NRG3: variants seen among roughly 807,000 people sequenced by gnomAD.
The protein encoded by NRG3 is pro-neuregulin-3, membrane-bound isoform.
A neutral mutation model predicts 66.9 loss-of-function variants in NRG3; 31 were observed. The ratio of observed to expected loss-of-function variants is 0.46; its 90% CI spans 0.35 to 0.63. The LOEUF (loss-of-function observed/expected upper bound fraction) is 0.63. Among genes scored for constraint, NRG3 ranks in the 20% least tolerant of loss-of-function variants. The pLI is 0.00. For synonymous variants in NRG3, 393 were observed against 359.4 expected, an observed-to-expected ratio of 1.09 and a Z score of -1.06; for missense variants, 910 against 878.9, an observed-to-expected ratio of 1.04 and a Z score of -0.45.
chr10:82,884,208 T>C, intron 4 of NRG3, among the ~76,000 whole-genome samples: 1 of 152,172 alleles, frequency 6.6e-6, no homozygotes, highest in East Asian at 1.9e-4. Context: ...TTGTTTTATA[T>C]AGCCTTTAGT....
intron 7 of NRG3, among the ~76,000 whole-genome samples, chr10:82,977,972 CT>C (rs1852460838): frequency 2.6e-5 from 4 of 152,090 alleles, no homozygotes; most frequent in Admixed American, 2.6e-4. Flanking sequence ...ATCTTTCTTT[CT>C]ATGGTTGTAT....
chr10:82,818,511 T>G (rs2061811339), intron 3 of NRG3, among the ~76,000 whole-genome samples: 1 of 152,326 alleles, frequency 6.6e-6, no homozygotes, highest in African/African-American at 2.4e-5. Context: ...CCATGACTCT[T>G]CACTTGTTCT....
intron 1 of NRG3, among the ~76,000 whole-genome samples, chr10:82,298,566 A>G (rs2080211050): frequency 6.6e-6 from 1 of 152,154 alleles, no homozygotes; most frequent in Non-Finnish European, 1.5e-5. Flanking sequence ...CCATCCATTG[A>G]GATGGAATAT....
At chr10:82,896,592 C>T (rs1268412627) in intron 4 of NRG3, among the ~76,000 whole-genome samples, 4 of 152,134 alleles carry the variant, frequency 2.6e-5, no homozygotes, top group African/African-American at 9.7e-5. Context: ...TAAATGTGAA[C>T]ATTGATATAT....
chr10:82,400,734 A>C (rs899693812), intron 2 of NRG3, among the ~76,000 whole-genome samples: 7 of 151,606 alleles, frequency 4.6e-5, no homozygotes, highest in South Asian at 2.1e-4. Context: ...CACCTGGCTA[A>C]TTTTTTTTAA....
chr10:82,939,616 C>A (rs1299537700), intron 4 of NRG3, among the ~76,000 whole-genome samples: 1 of 151,636 alleles, frequency 6.6e-6, no homozygotes, highest in Non-Finnish European at 1.5e-5. Context: ...ACTACAGGCG[C>A]CCACCACCAC....
intron 2 of NRG3, among the ~76,000 whole-genome samples, chr10:82,373,701 G>A (rs2085037372): frequency 6.6e-6 from 1 of 152,080 alleles, no homozygotes; most frequent in Non-Finnish European, 1.5e-5. Context: ...CTTTAAATAA[G>A]GTCATAATTT....
chr10:82,851,839 C>T (rs193128756), intron 3 of NRG3, among the ~76,000 whole-genome samples: 30 of 152,136 alleles, frequency 2.0e-4, no homozygotes, highest in Non-Finnish European at 3.8e-4. Flanking sequence ...AATTAAATTG[C>T]GTACTGTCAC....
intron 1 of NRG3, among the ~76,000 whole-genome samples, chr10:81,944,595 G>A (rs933040824): frequency 1.3e-5 from 2 of 152,178 alleles, no homozygotes; most frequent in Non-Finnish European, 2.9e-5. Flanking sequence ...AGGTTAGTAA[G>A]TGTCAGGGAA....
intron 3 of NRG3, among the ~76,000 whole-genome samples, chr10:82,855,378 T>C (rs2063753973): frequency 1.3e-5 from 2 of 152,014 alleles, no homozygotes; most frequent in African/African-American, 4.8e-5. Flanking sequence ...AACCCTTCCA[T>C]CTATTAACCG....
intron 2 of NRG3, among the ~76,000 whole-genome samples, chr10:82,618,268 G>C (rs1216427069): frequency 6.6e-6 from 1 of 152,118 alleles, no homozygotes; most frequent in Admixed American, 6.6e-5. Flanking sequence ...AGCCTACCCA[G>C]ATTGAAGGTG....
chr10:82,298,278 G>A (rs1335716807), intron 1 of NRG3, among the ~76,000 whole-genome samples: 1 of 151,274 alleles, frequency 6.6e-6, no homozygotes, highest in Non-Finnish European at 1.5e-5. Flanking sequence ...AAGGGAGAGA[G>A]GGAGGAAGGA....
intron 7 of NRG3, among the ~76,000 whole-genome samples, chr10:82,976,275 T>A (rs1199860471): frequency 6.6e-6 from 1 of 152,036 alleles, no homozygotes; most frequent in Non-Finnish European, 1.5e-5. Context: ...AGGCTGGTCT[T>A]GAAGTCCTGA....
At chr10:82,429,019 G>A (rs2089625705) in intron 2 of NRG3, among the ~76,000 whole-genome samples, 1 of 151,886 alleles carries the variant, frequency 6.6e-6, no homozygotes, top group African/African-American at 2.4e-5. Flanking sequence ...CTGATAGTAT[G>A]TTTTGAGTTA....
chr10:82,202,252 T>C (rs771368132), intron 1 of NRG3, among the ~76,000 whole-genome samples: 2 of 152,154 alleles, frequency 1.3e-5, no homozygotes, highest in Non-Finnish European at 2.9e-5. Flanking sequence ...TGCTGAGGTG[T>C]TGAAGCTTTG....
chr10:82,958,619 C>T (rs1312152535), intron 5 of NRG3, among the ~76,000 whole-genome samples: 1 of 152,222 alleles, frequency 6.6e-6, no homozygotes, highest in African/African-American at 2.4e-5. Context: ...CCTCTAGTCA[C>T]TTTCCCATAG....
chr10:82,223,224 A>AGCAGCT (rs757185312), intron 1 of NRG3, among the ~76,000 whole-genome samples: 26 of 152,172 alleles, frequency 1.7e-4, no homozygotes, highest in Non-Finnish European at 2.9e-4. Flanking sequence ...AGCCAGCCCC[A>AGCAGCT]GCAGCTGCAG....
chr10:81,953,486 C>T (rs1377465767), intron 1 of NRG3, among the ~76,000 whole-genome samples: 1 of 152,190 alleles, frequency 6.6e-6, no homozygotes, highest in Non-Finnish European at 1.5e-5. Context: ...CTGTACCTTC[C>T]AGTCCATTCT....
chr10:82,193,691 G>T (rs759575268), intron 1 of NRG3, among the ~76,000 whole-genome samples: 13 of 152,140 alleles, frequency 8.5e-5, no homozygotes, highest in Non-Finnish European at 1.6e-4. Context: ...ATGAAATTCC[G>T]AATGGTGCTA....
Sources: gnomAD v4.1 joint callset for allele counts (sites outside exome capture counted in the v4.1 genomes callset) on GRCh38, gnomAD v4.1.1 for gene constraint, MANE v1.5 for transcripts, NCBI Gene and HGNC (gene_info 2026-07-23, HGNC 2026-07-21) for gene names.